KPNA7: variants seen among roughly 807,000 people sequenced by gnomAD.
The protein encoded by KPNA7 is importin subunit alpha-8.
KPNA7 carries 54 observed loss-of-function variants against 53.7 expected under a neutral mutation model. The observed-to-expected ratio is 1.01, with a 90% confidence interval of 0.81 to 1.26. The LOEUF is 1.26. Ranked by LOEUF, KPNA7 falls within the 50% of genes most tolerant of loss-of-function variation. The pLI, the probability that KPNA7 is intolerant of heterozygous loss-of-function variation, is 0.00. For missense variants in KPNA7, 640 were observed against 644.5 expected, an observed-to-expected ratio of 0.99 and a Z score of 0.07; for synonymous variants, 276 against 259.3, an observed-to-expected ratio of 1.06 and a Z score of -0.62.
At chr7:99,209,479 T>A (rs921206559), upstream of KPNA7, among the ~76,000 whole-genome samples, 3 of 151,762 alleles carry the variant, frequency 2.0e-5, no homozygotes, top group Non-Finnish European at 4.4e-5. Context: ...AGGTCAGGAG[T>A]TCGAGACCAG....
chr7:99,216,781 C>T (rs972018445), intron 1 of KPNA7, among the ~76,000 whole-genome samples: 4 of 152,250 alleles, frequency 2.6e-5, no homozygotes, highest in South Asian at 2.1e-4. Flanking sequence ...AGGCTGGTCT[C>T]GAACTCCTGA....
upstream of KPNA7, among the ~76,000 whole-genome samples, chr7:99,212,204 G>A (rs1791090345): frequency 6.7e-6 from 1 of 149,260 alleles, no homozygotes; most frequent in Non-Finnish European, 1.5e-5. Flanking sequence ...ATCAGGCTAG[G>A]AAACACTGGT....
At chr7:99,168,687 G>A (rs991312361), downstream of KPNA7, among the ~76,000 whole-genome samples, 4 of 151,970 alleles carry the variant, frequency 2.6e-5, no homozygotes, top group East Asian at 1.9e-4. Flanking sequence ...TTGTAGAGAT[G>A]GGATCTTGCT....
chr7:99,209,395 G>A (rs1208569500), upstream of KPNA7, among the ~76,000 whole-genome samples: 1 of 151,924 alleles, frequency 6.6e-6, no homozygotes, highest in Non-Finnish European at 1.5e-5. Context: ...CCTTCCAGCT[G>A]GTCTCCCTGC....
the KPNA7 span, among the ~76,000 whole-genome samples, chr7:99,156,030 C>T: frequency 6.6e-6 from 1 of 152,246 alleles, no homozygotes; most frequent in East Asian, 1.9e-4. Flanking sequence ...AAAAAACAGG[C>T]TTCCAGGTTT....
chr7:99,183,622 C>T (rs1789399945), intron 8 of KPNA7, among the ~76,000 whole-genome samples: 2 of 152,080 alleles, frequency 1.3e-5, no homozygotes, highest in Middle Eastern at 3.2e-3. Flanking sequence ...ATACCTGGTG[C>T]ATCCTGGGAA....
chr7:99,189,319 G>A (rs983769721), intron 6 of KPNA7, among the ~76,000 whole-genome samples: 1 of 152,046 alleles, frequency 6.6e-6, no homozygotes, highest in Non-Finnish European at 1.5e-5. Flanking sequence ...AGAGACAGGG[G>A]TCTTGCTATG....
chr7:99,203,547 C>G (rs943686505), intron 2 of KPNA7, among the ~76,000 whole-genome samples: 1 of 152,088 alleles, frequency 6.6e-6, no homozygotes, highest in Non-Finnish European at 1.5e-5. Flanking sequence ...TAAGTCTGAA[C>G]ACATCTTCAT....
the KPNA7 span, among the ~76,000 whole-genome samples, chr7:99,162,642 T>C: frequency 1.3e-5 from 2 of 152,018 alleles, no homozygotes; most frequent in Non-Finnish European, 2.9e-5. Context: ...TGCTTTGTCA[T>C]GCAAAGAGAA....
At chr7:99,206,493 G>T (rs543142836) in intron 2 of KPNA7, among the ~76,000 whole-genome samples, 1 of 152,118 alleles carries the variant, frequency 6.6e-6, no homozygotes, top group East Asian at 1.9e-4. Flanking sequence ...TTTAGAGACA[G>T]GGTCTGGCTC....
rs1212044628 is a variant in KPNA7 at position 99,203,228 on chromosome 7, G to A, written c.79C>T (p.Gln27Ter). Residue 27 changes from glutamine (Q) to a stop codon, truncating the protein, a stop_gained, in exon 3 of 11, where the codon CAG becomes TAG. Transcript: ENST00000327442. LOFTEE classifies it high-confidence loss of function. ...RGKDVSLRRQQRMAVSLELRK... is the reference protein window; with the variant it reads ...RGKDVSLRRQ Reference sequence around the variant, plus strand: ...AGCTCCAGACTGACCGCCATCCTCTGCTGTCGCCTCAGCTAGTGAGGAAAA... The same window carrying A: ...AGCTCCAGACTGACCGCCATCCTCTACTGTCGCCTCAGCTAGTGAGGAAAA... 6.4e-7 allele frequency: 1 copy of A among 1,551,326 alleles called. No individual in the cohort carries two copies. The highest frequency in any genetic ancestry group is 1.2e-5 in the South Asian group (1 of 84,020).
At position 99,217,619 on chromosome 7, in the gene KPNA7, CTTTTTTTTTTTT is replaced by C. The variant is rs10616354; in HGVS notation, c.-23-10142_-23-10131del. ...CCCAGGAACGGGGACTCCACCTTGC[CTTTTTTTTTTTT>C]TTTTTTTTTTTTTTTTTGAGACAGA... is the stretch of plus-strand genomic sequence containing the variant. On this transcript the variant is annotated intron_variant, in intron 1 of 10. Transcript: ENST00000681060. 5.8e-4 allele frequency among the ~76,000 whole-genome samples: 23 copies of C among 39,854 alleles called. No homozygotes were observed. In the Admixed American group the frequency reaches 7.0e-3, roughly 12 times the overall value. 26.1% of individuals were successfully genotyped at this position (39,854 alleles called of 152,430 possible).
the KPNA7 span, among the ~76,000 whole-genome samples, chr7:99,163,295 AAATTTGT>A: frequency 6.8e-6 from 1 of 146,966 alleles, no homozygotes; most frequent in Admixed American, 6.9e-5. Flanking sequence ...CAAATATATT[AAATTTGT>A]AATATATTTA....
At chr7:99,189,478 C>T (rs1318310739) in intron 6 of KPNA7, among the ~76,000 whole-genome samples, 1 of 152,104 alleles carries the variant, frequency 6.6e-6, no homozygotes. Context: ...CAAATCACTC[C>T]CACCAGTAAG....
downstream of KPNA7, among the ~76,000 whole-genome samples, chr7:99,169,081 G>A (rs921674504): frequency 6.6e-6 from 1 of 152,020 alleles, no homozygotes; most frequent in Non-Finnish European, 1.5e-5. Context: ...CTAGCTACCC[G>A]GGAGGCGGCG....
chr7:99,198,234 C>T (rs943552287), intron 3 of KPNA7, among the ~76,000 whole-genome samples: 3 of 151,790 alleles, frequency 2.0e-5, no homozygotes, highest in African/African-American at 4.8e-5. Context: ...AAAAAAACAA[C>T]AACAAAAAAA....
upstream of KPNA7, among the ~76,000 whole-genome samples, chr7:99,209,670 G>A (rs1299653772): frequency 1.5e-4 from 16 of 105,874 alleles, no homozygotes; most frequent in South Asian, 6.7e-4. Flanking sequence ...GCAACAGAGC[G>A]AGACTCCAAC....
intron 1 of KPNA7, among the ~76,000 whole-genome samples, chr7:99,213,851 C>T (rs1489949728): frequency 6.6e-6 from 1 of 152,094 alleles, no homozygotes; most frequent in Non-Finnish European, 1.5e-5. Context: ...TCAAGTGATC[C>T]TCCTGCCTCC....
chr7:99,212,790 A>G (rs1791109943), upstream of KPNA7, among the ~76,000 whole-genome samples: 1 of 151,970 alleles, frequency 6.6e-6, no homozygotes, highest in Admixed American at 6.6e-5. Flanking sequence ...AGTCCCAGAT[A>G]CTCGGTGGGA....
Sources: allele counts gnomAD v4.1 joint callset (sites outside exome capture counted in the v4.1 genomes callset), GRCh38; gene constraint gnomAD v4.1.1; transcripts MANE v1.5; gene names NCBI Gene and HGNC (gene_info 2026-07-23, HGNC 2026-07-21).